TENT5A: variants seen among roughly 807,000 people sequenced by gnomAD.
TENT5A encodes HBV X-transactivated gene 11 protein.
A neutral mutation model predicts 30.2 loss-of-function variants in TENT5A; 9 were observed. That is an observed-to-expected ratio of 0.30 (90% CI 0.18 to 0.52). The LOEUF (loss-of-function observed/expected upper bound fraction) is 0.52, where lower values mean the gene tolerates loss of function less well. TENT5A is among the 20% of genes least tolerant of loss of function. The probability of loss-of-function intolerance (pLI) is 0.97; values close to 1 mark genes in which losing one functional copy is unlikely to be tolerated. For synonymous variants in TENT5A, 264 were observed against 234.2 expected, an observed-to-expected ratio of 1.13 and a Z score of -1.16; for missense variants, 411 against 566.1, an observed-to-expected ratio of 0.73 and a Z score of 2.78.
In TENT5A at chr6:81,749,886, G is replaced by A; in HGVS notation, c.1138C>T (p.Leu380Phe). The A allele has an allele frequency of 6.2e-7, 1 of 1,614,088 alleles. No homozygotes were observed. Among genetic ancestry groups the A allele is most frequent in the Non-Finnish European group, 8.5e-7 (1 of 1,180,008 alleles). ...ACCCGGATAGCCAGCATGGTGATAA[G>A]GTTTAAAGTCTGTCTTCTTTCATGT... ...MGHERRQTLN[L>F]ITMLAIRVLA... is the part of the protein sequence containing the mutation. Residue 380 changes from leucine to phenylalanine, a missense_variant, in exon 3 of 3, where the codon CTT becomes TTT. By Grantham distance (22) the Leu-to-Phe change is conservative. This residue lies in a region of TENT5A where 75 missense variants were observed against 80.9 expected (regional missense o/e 0.93). Transcript: ENST00000320172.
chr6:81,751,923 C>T lies in TENT5A; in HGVS notation c.219G>A (p.Arg73=), dbSNP rs1769044771. 1.2e-6 allele frequency: 2 copies of T among 1,612,954 alleles called. No individual in the cohort carries two copies. The highest frequency in any genetic ancestry group is 2.2e-5 in the South Asian group (2 of 91,062). The part of the protein sequence containing the change: ...CNVLNWEQVQ[R]LDGILSETIP... The stretch of plus-strand genomic sequence containing the variant: ...TGGTCTCGCTCAGGATGCCGTCCAG[C>T]CGCTGCACTTGCTCCCAGTTCAGCA... The change falls in exon 2 of 3, where the codon CGG becomes CGA. Residue 73 remains arginine, a synonymous_variant. Transcript: ENST00000320172.
In TENT5A at chr6:81,749,375, A is replaced by T; in HGVS notation, c.*320T>A. Reference sequence around the variant, plus strand: ...GCAAAGCTATGGGAGCAGATACAGCAAACCCATATTGTCATCACACATTTC... The same window carrying T: ...GCAAAGCTATGGGAGCAGATACAGCTAACCCATATTGTCATCACACATTTC... On this transcript the variant is annotated 3_prime_UTR_variant, in exon 3 of 3. Transcript: ENST00000320172. The T allele has an allele frequency of 9.2e-7, 1 of 1,089,110 alleles. No homozygotes were observed. Among genetic ancestry groups the T allele is most frequent in the Non-Finnish European group, 1.1e-6 (1 of 897,890 alleles). The allele number at this position is 1,089,110 out of a possible 1,614,324, so 67.5% of individuals were successfully genotyped here. A position where few individuals can be genotyped will look rare whatever the true frequency, so the allele number is the denominator to read the frequency against.
At chr6:81,752,310 G>C (rs1562143620) in intron 1 of TENT5A, 121 bp downstream of exon 1, 2 of 1,534,436 alleles carry the variant, frequency 1.3e-6, no homozygotes, top group African/African-American at 2.8e-5. Context: ...GGCCTCCTCG[G>C]AGACTCCCTC....
Position 81,751,892 on chromosome 6 carries a change from T to C in TENT5A, c.250A>G (p.Ile84Val). 1 of 1,613,168 alleles carries C rather than the reference T, an allele frequency of 6.2e-7. No homozygotes were observed. The highest frequency in any genetic ancestry group is 8.5e-7 in the Non-Finnish European group (1 of 1,179,896). Residue 84 changes from isoleucine (I) to valine (V), a missense_variant, in exon 2 of 3, where the codon ATT becomes GTT. Ile to Val is a conservative substitution (Grantham distance 29). Transcript: ENST00000320172. ...GTGGGGAAGTTGCCGCGCCCGTGAA[T>C]CGGAATGGTCTCGCTCAGGATGCCG... ...LDGILSETIP[I>V]HGRGNFPTLE...
Position 81,750,135 on chromosome 6 carries a change from A to G in TENT5A, c.889T>C (p.Cys297Arg). The change falls in exon 3 of 3, where the codon TGC becomes CGC. Residue 297 changes from cysteine to arginine, a missense_variant. Transcript: ENST00000320172. This position sits in a 1 kb window ranked among gnomAD's most constrained non-coding sequence, Gnocchi z 4.2. ...CTAAAGCCCCTCACCAAGAGGTTGC[A>G]GTACTTAAGCAGGCCTCCCCCTCGG... The part of the protein sequence containing the change: ...EIRGGGLLKY[C>R]NLLVRGFRPA... 6.2e-7 allele frequency: 1 copy of G among 1,613,852 alleles called. No individual in the cohort carries two copies. Among genetic ancestry groups the G allele is most frequent in the Non-Finnish European group, 8.5e-7 (1 of 1,179,850 alleles).
At position 81,749,385 on chromosome 6, in the gene TENT5A, T is replaced by G. The variant is rs1420916991; in HGVS notation, c.*310A>C. Reference sequence around the variant, plus strand: ...GGGAGCAGATACAGCAAACCCATATTGTCATCACACATTTCTTCTCTTGTA... The same window carrying G: ...GGGAGCAGATACAGCAAACCCATATGGTCATCACACATTTCTTCTCTTGTA... On this transcript the variant is annotated 3_prime_UTR_variant, in exon 3 of 3. Transcript: ENST00000320172. The G allele has an allele frequency of 1.3e-5, 15 of 1,115,950 alleles. No individual in the cohort carries two copies. Among genetic ancestry groups the G allele is most frequent in the Non-Finnish European group, 1.3e-5 (12 of 914,476 alleles). The allele number at this position is 1,115,950 out of a possible 1,614,324, so 69.1% of individuals were successfully genotyped here.
Position 81,745,835 on chromosome 6 carries a change from T to A in TENT5A, c.*3860A>T. Reference sequence around the variant, plus strand: ...TCTAGCACTGATTCAAACATGTCAGTTTTTTAGTCCATTTTCCATCAACTC... The same window carrying A: ...TCTAGCACTGATTCAAACATGTCAGATTTTTAGTCCATTTTCCATCAACTC... On this transcript the variant is annotated 3_prime_UTR_variant, in exon 3 of 3. Coordinates refer to ENST00000320172, the MANE Select transcript of TENT5A (RefSeq NM_017633.3). 1.0e-6 allele frequency: 1 copy of A among 985,824 alleles called. No homozygotes were observed. Among genetic ancestry groups the A allele is most frequent in the South Asian group, 4.7e-5 (1 of 21,284 alleles). The allele number at this position is 985,824 out of a possible 1,614,324, so 61.1% of individuals were successfully genotyped here. A position where few individuals can be genotyped will look rare whatever the true frequency, so the allele number is the denominator to read the frequency against.
Position 81,748,991 on chromosome 6 carries a change from G to A in TENT5A, c.*704C>T, listed in dbSNP as rs1481648125. On this transcript the variant is annotated 3_prime_UTR_variant, in exon 3 of 3. Coordinates refer to ENST00000320172, the MANE Select transcript of TENT5A (RefSeq NM_017633.3). ...TTTGGTCCTTGAGCACACTTTCTTT[G>A]TTACAGCTGTTTTTGCTTGCATTTT... 1.0e-6 allele frequency: 1 copy of A among 985,560 alleles called. No homozygotes were observed. The highest frequency in any genetic ancestry group is 1.7e-5 in the African/African-American group (1 of 57,170). The allele number at this position is 985,560 out of a possible 1,614,324, so 61.1% of individuals were successfully genotyped here.
Position 81,752,479 on chromosome 6 carries a change from G to A in TENT5A, c.-86C>T. On this transcript the variant is annotated 5_prime_UTR_variant, in exon 1 of 3. Transcript: ENST00000320172. ...GAGCGCAGCGAGCGAGAGCGAAACC[G>A]AGAGGCGGCAACACTTCCAGGAGCT... is the stretch of plus-strand genomic sequence containing the variant. 8 of 1,541,160 alleles carry A rather than the reference G, an allele frequency of 5.2e-6. No homozygotes were observed. The highest frequency in any genetic ancestry group is 1.4e-5 in the African/African-American group (1 of 72,938).
Position 81,747,334 on chromosome 6 carries a change from G to T in TENT5A, c.*2361C>A, listed in dbSNP as rs989191545. On this transcript the variant is annotated 3_prime_UTR_variant, in exon 3 of 3. Coordinates refer to ENST00000320172, the MANE Select transcript of TENT5A (RefSeq NM_017633.3). ...CAAACTGAACAATGTTTCCTGGGAA[G>T]TTGCAATTAATTTTTCAAACCCAGG... 7.1e-5 allele frequency: 70 copies of T among 985,732 alleles called. No individual in the cohort carries two copies. Among genetic ancestry groups the T allele is most frequent in the Non-Finnish European group, 7.7e-5 (64 of 829,918 alleles). 61.1% of individuals were successfully genotyped at this position (985,732 alleles called of 1,614,324 possible).
At position 81,749,786 on chromosome 6, in the gene TENT5A, T is replaced by C; in HGVS notation, c.1238A>G (p.Asp413Gly). 1.9e-6 allele frequency: 3 copies of C among 1,614,148 alleles called. No individual in the cohort carries two copies. Among genetic ancestry groups the C allele is most frequent in the Non-Finnish European group, 2.5e-6 (3 of 1,180,022 alleles). The change falls in exon 3 of 3, where the codon GAT becomes GGT. Residue 413 changes from aspartate (D) to glycine (G), a missense_variant. Asp to Gly is a moderately conservative substitution (Grantham distance 94). Coordinates refer to ENST00000320172, the MANE Select transcript of TENT5A (RefSeq NM_017633.3). ...CYYQPAPYVA[D>G]ANFSNYYIAQ... ...AATGTAGTAATTGCTAAAGTTGGCA[T>C]CTGCTACATAGGGGGCTGGCTGGTA...
rs1769004608 is a variant in TENT5A, at chr6:81,750,260, A to G, written c.764T>C (p.Phe255Ser). The G allele has an allele frequency of 6.2e-7, 1 of 1,614,104 alleles. No homozygotes were observed. The stretch of plus-strand genomic sequence containing the variant: ...GCTCTCCCCGATTATTGTGGGGTGA[A>G]ATGTCTCAGTCATTGGGTTCTCTGA... ...ECSENPMTETFHPTIIGESVY... is the reference protein window; with the variant it reads ...ECSENPMTETSHPTIIGESVY... The change falls in exon 3 of 3, where the codon TTT becomes TCT. Residue 255 changes from phenylalanine to serine, a missense_variant. Around this residue, in one of 5 missense-constraint regions of TENT5A, gnomAD observed 135 missense variants for 240.0 expected, o/e 0.56. Coordinates refer to ENST00000320172, the MANE Select transcript of TENT5A (RefSeq NM_017633.3). This position sits in a 1 kb window ranked among gnomAD's most constrained non-coding sequence, Gnocchi z 4.2.
At chr6:81,752,239 G>T in intron 1 of TENT5A, 61 bp from the exon 2 acceptor site, 1 of 1,368,140 alleles carries the variant, frequency 7.3e-7, no homozygotes, top group Non-Finnish European at 9.7e-7. Context: ...ACGCGCGGCG[G>T]CGGAGAGCAG....
intron 1 of TENT5A, 94 bp from the exon 2 acceptor site, chr6:81,752,272 C>T: frequency 6.7e-7 from 1 of 1,490,592 alleles, no homozygotes; most frequent in Admixed American, 2.5e-5. Flanking sequence ...AAAAGAGCGC[C>T]CCCTCCCCCG....
rs957484525 is a variant in TENT5A, at chr6:81,746,004, G to C, written c.*3691C>G. ...ACAGCCAGCAGGCAGAGCCTCCTCCGTTCTGCAAGGCTTTGCAGCAAGTCT... is the reference window on the plus strand; with the variant it reads ...ACAGCCAGCAGGCAGAGCCTCCTCCCTTCTGCAAGGCTTTGCAGCAAGTCT... On this transcript the variant is annotated 3_prime_UTR_variant, in exon 3 of 3. Coordinates refer to ENST00000320172, the MANE Select transcript of TENT5A (RefSeq NM_017633.3). 1.0e-6 allele frequency: 1 copy of C among 985,538 alleles called. No individual in the cohort carries two copies. The highest frequency in any genetic ancestry group is 1.2e-6 in the Non-Finnish European group (1 of 829,652). 61.0% of individuals were successfully genotyped at this position (985,538 alleles called of 1,614,324 possible).
rs777608893 is a variant in TENT5A at position 81,748,268 on chromosome 6, GAATGC to G, written c.*1422_*1426del. Reference sequence around the variant, plus strand: ...ATCCACTAGATTAAACATCATAGAGGAATGCAATTTTTTTTTTAATAAATGGGTTC... The same window carrying G: ...ATCCACTAGATTAAACATCATAGAGGAATTTTTTTTTTAATAAATGGGTTC... On this transcript the variant is annotated 3_prime_UTR_variant, in exon 3 of 3. Transcript: ENST00000320172. The G allele has an allele frequency of 1.8e-5, 18 of 983,624 alleles. No individual in the cohort carries two copies. Among genetic ancestry groups the G allele is most frequent in the Non-Finnish European group, 2.2e-5 (18 of 829,104 alleles). 60.9% of individuals were successfully genotyped at this position (983,624 alleles called of 1,614,324 possible). A position where few individuals can be genotyped will look rare whatever the true frequency, so the allele number is the denominator to read the frequency against.
Position 81,750,322 on chromosome 6 carries a change from T to A in TENT5A, c.702A>T (p.Gln234His), listed in dbSNP as rs751804327. ...RQFEFSVDSF[Q>H]IKLDSLLLFY... ...AGAGCAGAAGAGAGTCTAATTTGAT[T>A]TGAAAAGAATCTACACTGAATTCAA... The change falls in exon 3 of 3, where the codon CAA becomes CAT. Residue 234 changes from glutamine to histidine, a missense_variant. Physicochemically the swap from Gln to His is conservative, Grantham distance 24. Around this residue, in one of 5 missense-constraint regions of TENT5A, gnomAD observed 135 missense variants for 240.0 expected, o/e 0.56. Coordinates refer to ENST00000320172, the MANE Select transcript of TENT5A (RefSeq NM_017633.3). The surrounding 1 kb of genome is among the most constrained non-coding windows in gnomAD (Gnocchi z 4.2). 6.2e-7 allele frequency: 1 copy of A among 1,612,544 alleles called. No individual in the cohort carries two copies.
rs1430305917 is a variant in TENT5A at position 81,749,362 on chromosome 6, G to C, written c.*333C>G. The C allele has an allele frequency of 2.8e-6, 3 of 1,065,720 alleles. No individual in the cohort carries two copies. The African/African-American group carries it at 5.0e-5, about 18-fold the overall frequency. The allele number at this position is 1,065,720 out of a possible 1,614,324, so 66.0% of individuals were successfully genotyped here. A position where few individuals can be genotyped will look rare whatever the true frequency, so the allele number is the denominator to read the frequency against. The stretch of plus-strand genomic sequence containing the variant: ...TTTTTTTCCTATGGCAAAGCTATGG[G>C]AGCAGATACAGCAAACCCATATTGT... On this transcript the variant is annotated 3_prime_UTR_variant, in exon 3 of 3. Transcript: ENST00000320172.
rs1006186024 is a variant in TENT5A, at chr6:81,750,783, A to G, written c.553-312T>C. The stretch of plus-strand genomic sequence containing the variant: ...TGTTACTTTTTGAAAACGGTCTAAT[A>G]GGCACAATATTCACACAGTATCCAA... On this transcript the variant is annotated intron_variant, in intron 2 of 2. Coordinates refer to ENST00000320172, the MANE Select transcript of TENT5A (RefSeq NM_017633.3). The surrounding 1 kb of genome is among the most constrained non-coding windows in gnomAD (Gnocchi z 4.2). 4.6e-5 allele frequency among the ~76,000 whole-genome samples: 7 copies of G among 152,220 alleles called. No individual in the cohort carries two copies. Among genetic ancestry groups the G allele is most frequent in the African/African-American group, 7.2e-5 (3 of 41,462 alleles).
Sources: gnomAD v4.1 joint callset for allele counts (sites outside exome capture counted in the v4.1 genomes callset) on GRCh38, gnomAD v4.1.1 for gene constraint, gnomAD v4.1.1 regional missense constraint, Gnocchi (gnomAD v3.1) non-coding constraint, MANE v1.5 for transcripts, NCBI Gene and HGNC (gene_info 2026-07-23, HGNC 2026-07-21) for gene names.